Variants in ZNF248 observed in about 807,000 individuals in gnomAD.
ZNF248 encodes the protein KRAB protein domain.
In ZNF248, 20 loss-of-function variants were observed where a neutral mutation model predicts 44.3. The observed-to-expected ratio is 0.45, with a 90% CI of 0.32 to 0.66. The LOEUF (loss-of-function observed/expected upper bound fraction) is 0.66, where lower values mean the gene tolerates loss of function less well. ZNF248 is among the 30% of genes least tolerant of loss of function. The probability of loss-of-function intolerance (pLI) is 0.04; values close to 1 mark genes in which losing one functional copy is unlikely to be tolerated. For synonymous variants in ZNF248, 224 were observed against 229.0 expected, an observed-to-expected ratio of 0.98 and a Z score of 0.20; for missense variants, 654 against 677.0, an observed-to-expected ratio of 0.97 and a Z score of 0.38.
the ZNF248 span, among the ~76,000 whole-genome samples, chr10:37,770,480 C>G: frequency 6.6e-6 from 1 of 152,112 alleles, no homozygotes; most frequent in Non-Finnish European, 1.5e-5. Flanking sequence ...TATCTACAAC[C>G]ATCTGATCTT....
At chr10:37,808,935 T>C (rs2051034333) in intron 6 of ZNF248, among the ~76,000 whole-genome samples, 1 of 152,184 alleles carries the variant, frequency 6.6e-6, no homozygotes, top group Non-Finnish European at 1.5e-5. Context: ...TTTCTATTTC[T>C]TCATGAGTCA....
chr10:37,791,038 ATTTC>A (rs2048475077), intron 6 of ZNF248, among the ~76,000 whole-genome samples: 2 of 39,646 alleles, frequency 5.0e-5, no homozygotes, highest in Non-Finnish European at 1.0e-4. Flanking sequence ...ATACTTTGTT[ATTTC>A]TTTTTTTTTT....
chr10:37,787,601 T>C (rs2048032192), intron 6 of ZNF248, among the ~76,000 whole-genome samples: 2 of 151,974 alleles, frequency 1.3e-5, no homozygotes, highest in Admixed American at 1.3e-4. Flanking sequence ...TTAAAACAAA[T>C]TGTATGTCCA....
At chr10:37,854,105 T>A (rs1423583739) in intron 3 of ZNF248, among the ~76,000 whole-genome samples, 1 of 152,226 alleles carries the variant, frequency 6.6e-6, no homozygotes, top group Non-Finnish European at 1.5e-5. Flanking sequence ...AAACTCCAAA[T>A]GGATTAAAGA....
chr10:37,812,223 C>A (rs943378350), intron 6 of ZNF248, among the ~76,000 whole-genome samples: 6 of 151,724 alleles, frequency 4.0e-5, no homozygotes, highest in African/African-American at 1.5e-4. Context: ...GGTGACAGAG[C>A]AAGACCCTGT....
intron 5 of ZNF248, among the ~76,000 whole-genome samples, chr10:37,835,083 G>A (rs548746854): frequency 6.6e-6 from 1 of 152,010 alleles, no homozygotes; most frequent in South Asian, 2.1e-4. Flanking sequence ...GCAACTTTAG[G>A]TTAGTTTGTT....
At position 37,829,326 on chromosome 10, in the gene ZNF248, T is replaced by C. The variant is rs2054994144; in HGVS notation, c.*2289A>G. 1 of 985,456 alleles carries C rather than the reference T, an allele frequency of 1.0e-6. No individual in the cohort carries two copies. Among genetic ancestry groups the C allele is most frequent in the East Asian group, 1.1e-4 (1 of 8,810 alleles). 61.0% of individuals were successfully genotyped at this position (985,456 alleles called of 1,614,324 possible). The stretch of plus-strand genomic sequence containing the variant: ...TCTCTGGGTGTTTCACTGTCCCTTG[T>C]TTCTGGCCCACACCACTGTAATCAG... On this transcript the variant is annotated 3_prime_UTR_variant, in exon 6 of 6. Transcript: ENST00000395867.
intron 6 of ZNF248, among the ~76,000 whole-genome samples, chr10:37,783,453 T>C (rs1247956887): frequency 6.6e-6 from 1 of 152,178 alleles, no homozygotes; most frequent in Non-Finnish European, 1.5e-5. Context: ...TGATTTTAGA[T>C]ATGGCAGTGT....
Position 37,831,956 on chromosome 10 carries a change from T to C in ZNF248, c.1399A>G (p.Asn467Asp), listed in dbSNP as rs757516837. Residue 467 changes from asparagine to aspartate, a missense_variant, in exon 6 of 6, where the codon AAT (asparagine) becomes GAT (aspartate). Asn to Asp is a conservative substitution (Grantham distance 23). Transcript: ENST00000395867. The part of the protein sequence containing the change: ...THTGEKPYEC[N>D]ACGKSFCHRS... The stretch of plus-strand genomic sequence containing the variant: ...TGGCAGAAGGATTTCCCACATGCAT[T>C]ACATTCATAGGGCTTCTCCCCTGTG... 1.9e-6 allele frequency: 3 copies of C among 1,614,032 alleles called. No homozygotes were observed. Among genetic ancestry groups the C allele is most frequent in the Non-Finnish European group, 2.5e-6 (3 of 1,179,906 alleles).
In ZNF248 at chr10:37,776,548, G is replaced by A; in HGVS notation, c.358C>T (p.Gln120Ter). The A allele has an allele frequency of 2.5e-6, 1 of 398,434 alleles. No homozygotes were observed. The highest frequency in any genetic ancestry group is 4.4e-6 in the Non-Finnish European group (1 of 225,948). 24.7% of individuals were successfully genotyped at this position (398,434 alleles called of 1,614,324 possible). A position where few individuals can be genotyped will look rare whatever the true frequency, so the allele number is the denominator to read the frequency against. Residue 120 changes from glutamine (Q) to a stop codon, truncating the protein, a stop_gained, in exon 7 of 7, where the codon CAG (glutamine) becomes TAG (stop). Coordinates refer to the ZNF248 transcript ENST00000615949. LOFTEE classifies it high-confidence loss of function. ...GCCTTCTTCTTACTTCACAAGAACT[G>A]CTTTCTTCCGAGGAGCTGAAACCTG...
rs372237433 is a variant in ZNF248, at chr10:37,832,412, G to A, written c.943C>T (p.His315Tyr). The A allele has an allele frequency of 6.2e-7, 1 of 1,613,788 alleles. No homozygotes were observed. Among genetic ancestry groups the A allele is most frequent in the Non-Finnish European group, 8.5e-7 (1 of 1,179,936 alleles). Residue 315 changes from histidine to tyrosine, a missense_variant, in exon 6 of 6, where the codon CAT (histidine) becomes TAT (tyrosine). His to Tyr is a moderately conservative substitution (Grantham distance 83, BLOSUM62 2). Coordinates refer to ENST00000395867, the MANE Select transcript of ZNF248 (RefSeq NM_021045.3). ...IFCDNSAFIIHQGAYTRKILR... is the reference protein window; with the variant it reads ...IFCDNSAFIIYQGAYTRKILR... The stretch of plus-strand genomic sequence containing the variant: ...ATCTTTCTTGTGTAAGCTCCCTGAT[G>A]GATAATGAAAGCTGAATTGTCACAG...
chr10:37,821,018 G>T, intron 6 of ZNF248: 1 of 1,308,492 alleles, frequency 7.6e-7, no homozygotes, highest in Non-Finnish European at 1.1e-6. Flanking sequence ...GACTAAAGGT[G>T]CTCTGGGATC....
downstream of ZNF248, among the ~76,000 whole-genome samples, chr10:37,824,651 C>A (rs745311032): frequency 3.1e-4 from 41 of 131,948 alleles, no homozygotes; most frequent in Non-Finnish European, 5.1e-4. Flanking sequence ...ATACCAATTG[C>A]AGAGGCAAAA....
At chr10:37,792,089 G>A (rs2048624015) in intron 6 of ZNF248, among the ~76,000 whole-genome samples, 1 of 152,172 alleles carries the variant, frequency 6.6e-6, no homozygotes, top group African/African-American at 2.4e-5. Context: ...AAAGTCTCAT[G>A]CCTGGGACCA....
chr10:37,823,091 T>C (rs569725675), intron 6 of ZNF248, among the ~76,000 whole-genome samples: 14 of 152,016 alleles, frequency 9.2e-5, no homozygotes, highest in Non-Finnish European at 2.1e-4. Context: ...ATCCCAGCAC[T>C]TTGGGAGGCC....
At chr10:37,767,282 A>T in the ZNF248 span, among the ~76,000 whole-genome samples, 2 of 152,136 alleles carry the variant, frequency 1.3e-5, no homozygotes, top group Non-Finnish European at 2.9e-5. Context: ...AACGCCACAA[A>T]GATACTCCTC....
At chr10:37,814,282 C>CACAG (rs1484457549) in intron 6 of ZNF248, among the ~76,000 whole-genome samples, 2 of 152,166 alleles carry the variant, frequency 1.3e-5, no homozygotes, top group Non-Finnish European at 2.9e-5. Context: ...TCCGCTCCTA[C>CACAG]ACAGCACTGT....
chr10:37,759,918 C>A, the ZNF248 span, among the ~76,000 whole-genome samples: 1 of 152,134 alleles, frequency 6.6e-6, no homozygotes, highest in Non-Finnish European at 1.5e-5. Context: ...TGTGGAAGAA[C>A]CGCTAGGCAG....
intron 6 of ZNF248, among the ~76,000 whole-genome samples, chr10:37,781,527 TCGTACAGC>T (rs1352167639): frequency 6.6e-6 from 1 of 152,218 alleles, no homozygotes; most frequent in African/African-American, 2.4e-5. Flanking sequence ...TTTCCTGTAG[TCGTACAGC>T]CATAATGCCT....
Sources: allele counts gnomAD v4.1 joint callset (sites outside exome capture counted in the v4.1 genomes callset), GRCh38; gene constraint gnomAD v4.1.1; transcripts MANE v1.5; gene names NCBI Gene and HGNC (gene_info 2026-07-23, HGNC 2026-07-21).